FRMPD3: variants seen among roughly 807,000 people sequenced by gnomAD.
The protein encoded by FRMPD3 is FERM and PDZ domain containing 3.
FRMPD3 carries 42 observed loss-of-function variants against 97.9 expected under a neutral mutation model. The observed-to-expected ratio is 0.43, with a 90% CI of 0.34 to 0.55. The LOEUF is 0.55. Ranked by LOEUF, FRMPD3 falls within the 20% of genes least tolerant of loss-of-function variation. FRMPD3 has a pLI of 0.03. For missense variants in FRMPD3, 1,303 were observed against 1,457.7 expected, an observed-to-expected ratio of 0.89 and a Z score of 1.73; for synonymous variants, 577 against 581.1, an observed-to-expected ratio of 0.99 and a Z score of 0.10.
chrX:107,479,534 A>G (rs191664870), intron 1 of FRMPD3, among the ~76,000 whole-genome samples: 14 of 111,690 alleles, frequency 1.3e-4, no homozygotes, highest in Non-Finnish European at 2.6e-4. Context: ...TAGGTGTGAG[A>G]ATAGTATTGT....
Position 107,521,378 on chromosome X carries a change from C to T in FRMPD3, c.-7-5204C>T, listed in dbSNP as rs142013273. Among the ~76,000 whole-genome samples the T allele has an allele frequency of 5.9e-3, 659 of 112,170 alleles. 5 individuals are homozygous for T. The highest frequency in any genetic ancestry group is 0.02 in the African/African-American group (608 of 30,898). Reference sequence around the variant, plus strand: ...GGTCTGTGGACCAGCAGCTTGGGCACGACCCTGGAATTGTCAGAGTCTCAG... The same window carrying T: ...GGTCTGTGGACCAGCAGCTTGGGCATGACCCTGGAATTGTCAGAGTCTCAG... On this transcript the variant is annotated intron_variant, in intron 1 of 14. Transcript: ENST00000683843.
intron 12 of FRMPD3, among the ~76,000 whole-genome samples, chrX:107,574,369 G>A (rs962166425): frequency 9.0e-6 from 1 of 111,729 alleles, no homozygotes; most frequent in Admixed American, 9.5e-5. Context: ...GCCTGTTTCT[G>A]TAAATAAAGT....
chrX:107,526,265 G>A (rs778101925), intron 1 of FRMPD3, among the ~76,000 whole-genome samples: 144 of 111,301 alleles, frequency 1.3e-3, no homozygotes, highest in Non-Finnish European at 2.4e-3. Flanking sequence ...GTTAACTTCT[G>A]CAGAATATTT....
chrX:107,484,886 T>A (rs747965969), intron 1 of FRMPD3, among the ~76,000 whole-genome samples: 1 of 112,410 alleles, frequency 8.9e-6, no homozygotes, highest in African/African-American at 3.2e-5. Context: ...GTTTTCCCCG[T>A]GCCTGCTTCA....
chrX:107,462,871 C>T, intron 1 of FRMPD3, among the ~76,000 whole-genome samples: 1 of 111,936 alleles, frequency 8.9e-6, no homozygotes, highest in Non-Finnish European at 1.9e-5. Context: ...ATTTCACCAA[C>T]TAATGCCTTC....
chrX:107,577,615 C>T (rs1255008315), intron 13 of FRMPD3, among the ~76,000 whole-genome samples: 1 of 110,233 alleles, frequency 9.1e-6, no homozygotes, highest in Admixed American at 9.9e-5. Context: ...CGCCTTTTTA[C>T]TTCAGCCTGG....
intron 1 of FRMPD3, among the ~76,000 whole-genome samples, chrX:107,505,695 G>A (rs1922014112): frequency 8.9e-6 from 1 of 112,879 alleles, no homozygotes; most frequent in Non-Finnish European, 1.9e-5. Flanking sequence ...AGGAAATGTT[G>A]TGTTATTTCA....
Position 107,489,285 on chromosome X carries a change from G to T in FRMPD3, c.-7-37297G>T, listed in dbSNP as rs746257188. The stretch of plus-strand genomic sequence containing the variant: ...AGTCTTTGCTATTGTGAATAGTGCC[G>T]CAATAAACATACGTGTGCATGTGTC... On this transcript the variant is annotated intron_variant, in intron 1 of 14. Coordinates refer to ENST00000683843, the MANE Select transcript of FRMPD3 (RefSeq NM_001388459.1). 3.4e-3 allele frequency among the ~76,000 whole-genome samples: 371 copies of T among 109,856 alleles called. 1 individual carries two copies. The highest frequency in any genetic ancestry group is 0.012 in the African/African-American group (349 of 30,077).
chrX:107,578,976 G>A (rs961745513), intron 13 of FRMPD3, among the ~76,000 whole-genome samples: 4 of 111,875 alleles, frequency 3.6e-5, no homozygotes, highest in Non-Finnish European at 7.5e-5. Context: ...GGGATTATCC[G>A]TTCCTGATAT....
In FRMPD3 at chrX:107,475,517, G is replaced by C. The variant is rs147440583; in HGVS notation, c.-8+25512G>C. ...TATCCATAGATGGAGCAAAACCTCT[G>C]TTGACCAGAATATTTGAGGATGGGC... On this transcript the variant is annotated intron_variant, in intron 1 of 14. Transcript: ENST00000683843. 4.8e-3 allele frequency among the ~76,000 whole-genome samples: 541 copies of C among 112,506 alleles called. 4 individuals carry two copies. The highest frequency in any genetic ancestry group is 0.016 in the African/African-American group (501 of 30,991).
chrX:107,524,926 G>A (rs1490454962), intron 1 of FRMPD3, among the ~76,000 whole-genome samples: 1 of 103,899 alleles, frequency 9.6e-6, no homozygotes, highest in Non-Finnish European at 2.0e-5. Flanking sequence ...AACCTGGGAG[G>A]TGGAGGTTGC....
At chrX:107,590,082 G>T (rs1234450161) in intron 13 of FRMPD3, among the ~76,000 whole-genome samples, 1 of 112,431 alleles carries the variant, frequency 8.9e-6, no homozygotes, top group African/African-American at 3.2e-5. Flanking sequence ...TTGAACCAAG[G>T]ATGGGGAGGT....
chrX:107,562,423 C>T (rs1922411600), intron 10 of FRMPD3, among the ~76,000 whole-genome samples: 1 of 112,374 alleles, frequency 8.9e-6, no homozygotes, highest in Admixed American at 9.4e-5. Context: ...CTCCCTCTAA[C>T]AGTGTGGAGG....
At chrX:107,571,164 C>T (rs1224733143) in intron 12 of FRMPD3, among the ~76,000 whole-genome samples, 1 of 111,939 alleles carries the variant, frequency 8.9e-6, no homozygotes, top group East Asian at 2.8e-4. Flanking sequence ...CAAGGGATAT[C>T]TTGTGGCCCA....
intron 1 of FRMPD3, among the ~76,000 whole-genome samples, chrX:107,515,159 G>A (rs531536079): frequency 3.6e-5 from 4 of 111,476 alleles, no homozygotes; most frequent in African/African-American, 1.3e-4. Context: ...AATATAGATT[G>A]TATTTAAAAC....
rs768695003 is a variant in FRMPD3, at chrX:107,601,161, G to A, written c.3122G>A (p.Arg1041Gln). ...AGCCCCAGAGCACCCACAGGCAGCC[G>A]GGCTGACAGCCTGCACCTCTCCCAA... ...SSSPRAPTGS[R>Q]ADSLHLSQQE... The change falls in exon 15 of 15, where the codon CGG (arginine) becomes CAG (glutamine). Residue 1041 changes from arginine to glutamine, a missense_variant. Arg to Gln is a conservative substitution (Grantham distance 43). Transcript: ENST00000683843. 3.8e-5 allele frequency: 46 copies of A among 1,208,766 alleles called. No individual in the cohort carries two copies. Among genetic ancestry groups the A allele is most frequent in the African/African-American group, 2.1e-4 (12 of 57,232 alleles).
chrX:107,542,584 G>C (rs16985226), intron 4 of FRMPD3, among the ~76,000 whole-genome samples: 16,952 of 111,220 alleles, frequency 0.15, 2,980 homozygotes, highest in African/African-American at 0.51. Context: ...TCAGGTGAAA[G>C]AAGTGGTTTT....
At chrX:107,562,926 C>T (rs1010306178) in intron 10 of FRMPD3, among the ~76,000 whole-genome samples, 185 bp from the exon 11 acceptor site, 1 of 111,708 alleles carries the variant, frequency 9.0e-6, no homozygotes, top group Non-Finnish European at 1.9e-5. Flanking sequence ...AGATGAGATA[C>T]TAGAGGGAAG....
chrX:107,547,765 G>A (rs765924012), intron 5 of FRMPD3, among the ~76,000 whole-genome samples: 14 of 111,914 alleles, frequency 1.3e-4, no homozygotes, highest in Non-Finnish European at 2.1e-4. Context: ...TTCCTTTCGT[G>A]TTCCAAGGCT....
Sources: gnomAD v4.1 joint callset for allele counts (sites outside exome capture counted in the v4.1 genomes callset) on GRCh38, gnomAD v4.1.1 for gene constraint, MANE v1.5 for transcripts, NCBI Gene and HGNC (gene_info 2026-07-23, HGNC 2026-07-21) for gene names.